XRCC6: variants seen among roughly 807,000 people sequenced by gnomAD.
The protein encoded by XRCC6 is DNA repair protein Ku70.
Under a neutral mutation model 65.7 loss-of-function variants are expected in XRCC6, and 5 were observed. The ratio of observed to expected loss-of-function variants is 0.08; its 90% confidence interval spans 0.04 to 0.16. XRCC6 has a LOEUF of 0.16. Among genes scored for constraint, XRCC6 ranks in the 10% least tolerant of loss-of-function variants. The probability of loss-of-function intolerance (pLI) is 1.00; values close to 1 mark genes in which losing one functional copy is unlikely to be tolerated. For synonymous variants in XRCC6, 270 were observed against 270.6 expected (o/e 1.00, Z 0.02); for missense variants, 447 against 738.1 (o/e 0.61, Z 4.57).
At position 41,637,701 on chromosome 22, in the gene XRCC6, A is replaced by G. The variant is rs764339481; in HGVS notation, c.683A>G (p.Asp228Gly). The change falls in exon 6 of 13, where the codon GAC (aspartate) becomes GGC (glycine). Residue 228 changes from aspartate (D) to glycine (G), a missense_variant. Physicochemically the swap from Asp to Gly is moderately conservative, Grantham distance 94 (BLOSUM62 -1). This residue lies in a region of XRCC6 where 228 missense variants were observed against 307.4 expected (regional missense o/e 0.74). Coordinates refer to ENST00000360079, the MANE Select transcript of XRCC6 (RefSeq NM_001469.5). ...RDIISIAEDEDLRVHFEESSK... is the reference protein window; with the variant it reads ...RDIISIAEDEGLRVHFEESSK... ...ATCATCAGCATAGCAGAGGATGAGG[A>G]CCTCAGGGTTCACTTTGAGGAATCC... The G allele has an allele frequency of 1.9e-6, 3 of 1,613,518 alleles. No homozygotes were observed.
intron 9 of XRCC6, 46 bp from the exon 10 acceptor site, chr22:41,656,857 G>A (rs368216985): frequency 2.5e-6 from 4 of 1,610,148 alleles, no homozygotes; most frequent in South Asian, 2.2e-5. Context: ...ACAAGTGACT[G>A]CAACACTTGA....
At chr22:41,650,224 C>T (rs578218142) in intron 7 of XRCC6, among the ~76,000 whole-genome samples, 6 of 151,770 alleles carry the variant, frequency 4.0e-5, no homozygotes, top group Admixed American at 6.6e-5. Flanking sequence ...CCAGTCTCAG[C>T]CTCCCAAGTA....
intron 11 of XRCC6, among the ~76,000 whole-genome samples, chr22:41,658,681 C>T (rs1310349643): frequency 1.3e-5 from 2 of 152,156 alleles, no homozygotes; most frequent in African/African-American, 2.4e-5. Context: ...TTTGGGAGGC[C>T]GAGGCGGGTG....
intron 6 of XRCC6, among the ~76,000 whole-genome samples, chr22:41,641,378 T>C (rs763954266): frequency 1.3e-5 from 2 of 152,230 alleles, no homozygotes; most frequent in African/African-American, 2.4e-5. Flanking sequence ...ATGAGATATT[T>C]TGGTATAGGC....
intron 2 of XRCC6, among the ~76,000 whole-genome samples, chr22:41,627,518 G>A (rs1374389156): frequency 1.3e-5 from 2 of 151,342 alleles, no homozygotes; most frequent in Non-Finnish European, 2.9e-5. Flanking sequence ...GGCTGAGGCA[G>A]GAGAATCGCT....
At chr22:41,662,907 C>T (rs1214420878) in intron 12 of XRCC6, among the ~76,000 whole-genome samples, 2 of 152,014 alleles carry the variant, frequency 1.3e-5, no homozygotes, top group Non-Finnish European at 2.9e-5. Flanking sequence ...ACAGTGAAAC[C>T]TCGTCTGTAC....
intron 2 of XRCC6, 107 bp from the exon 3 acceptor site, chr22:41,628,011 A>G (rs2147068706): frequency 4.4e-6 from 3 of 678,364 alleles, no homozygotes; most frequent in East Asian, 3.0e-5. Flanking sequence ...TGTTCACCTT[A>G]TAATAATTTA....
intron 3 of XRCC6, among the ~76,000 whole-genome samples, chr22:41,631,475 C>T (rs1463568322): frequency 6.6e-6 from 1 of 150,968 alleles, no homozygotes; most frequent in African/African-American, 2.4e-5. Flanking sequence ...AGAGACGCTC[C>T]TCACCTCCCA....
intron 9 of XRCC6, 27 bp from the exon 10 acceptor site, chr22:41,656,876 C>A (rs1432946844): frequency 6.2e-7 from 1 of 1,611,602 alleles, no homozygotes; most frequent in Non-Finnish European, 8.5e-7. Context: ...GAAGTCAAAT[C>A]AAAGAAAATT....
intron 11 of XRCC6, among the ~76,000 whole-genome samples, chr22:41,659,933 G>T (rs866509479): frequency 6.6e-6 from 1 of 152,114 alleles, no homozygotes; most frequent in Non-Finnish European, 1.5e-5. Flanking sequence ...TGATCCACCC[G>T]CCTCGGCCTC....
At chr22:41,638,976 T>G (rs1419149132) in intron 6 of XRCC6, among the ~76,000 whole-genome samples, 1 of 152,120 alleles carries the variant, frequency 6.6e-6, no homozygotes, top group African/African-American at 2.4e-5. Flanking sequence ...TCACTACAGA[T>G]GCATGAGTGA....
chr22:41,659,006 C>T (rs780722435), intron 11 of XRCC6, among the ~76,000 whole-genome samples: 1 of 152,116 alleles, frequency 6.6e-6, no homozygotes, highest in Non-Finnish European at 1.5e-5. Context: ...TAGAATCCAG[C>T]GACTCGCAGC....
intron 12 of XRCC6, chr22:41,661,783 T>C (rs1191999470): frequency 1.0e-5 from 2 of 193,248 alleles, no homozygotes; most frequent in African/African-American, 2.4e-5. Context: ...CAAAGAGATA[T>C]GTGCACTCCC....
intron 7 of XRCC6, chr22:41,648,021 C>CCTCCA (rs2067952695): frequency 5.2e-5 from 1 of 19,354 alleles, no homozygotes; most frequent in Non-Finnish European, 1.3e-4. Context: ...TCTCCGACTC[C>CCTCCA]CTCCCCTCCC....
chr22:41,629,291 A>T (rs2067714124), intron 3 of XRCC6, among the ~76,000 whole-genome samples: 1 of 152,222 alleles, frequency 6.6e-6, no homozygotes, highest in African/African-American at 2.4e-5. Flanking sequence ...TCACAATGTT[A>T]TGCAGCCACC....
At chr22:41,652,735 AAT>A (rs1450821517) in intron 8 of XRCC6, among the ~76,000 whole-genome samples, 1 of 151,872 alleles carries the variant, frequency 6.6e-6, no homozygotes, top group Non-Finnish European at 1.5e-5. Flanking sequence ...ATGCAGTGGC[AAT>A]GTCTCTGCTC....
intron 2 of XRCC6, among the ~76,000 whole-genome samples, chr22:41,626,931 C>T (rs576690754): frequency 2.0e-5 from 3 of 152,056 alleles, no homozygotes; most frequent in Admixed American, 2.0e-4. Context: ...TGAGCCACTG[C>T]GCCCAGCCTA....
In XRCC6 at chr22:41,658,350, C is replaced by T. The variant is rs754651274; in HGVS notation, c.1520C>T (p.Thr507Ile). The T allele has an allele frequency of 6.2e-6, 10 of 1,613,932 alleles. No homozygotes were observed. Among genetic ancestry groups the T allele is most frequent in the South Asian group, 1.1e-5 (1 of 91,086 alleles). The part of the protein sequence containing the change: ...LMEPEQAVDL[T>I]LPKVEAMNKR... ...GAGCCGGAACAAGCAGTGGACCTGA[C>T]ATGTAAGGAGGTTGAATAGAGTAGT... is the stretch of plus-strand genomic sequence containing the variant. The change falls in exon 11 of 13, where the codon ACA (threonine) becomes ATA (isoleucine). Residue 507 changes from threonine (T) to isoleucine (I), a missense_variant and splice_region_variant. Transcript: ENST00000360079.
At position 41,636,131 on chromosome 22, in the gene XRCC6, A is replaced by T. The variant is rs5758399; in HGVS notation, c.214A>T (p.Ile72Phe). 6.3e-7 allele frequency: 1 copy of T among 1,590,144 alleles called. No homozygotes were observed. Among genetic ancestry groups the T allele is most frequent in the Non-Finnish European group, 8.5e-7 (1 of 1,174,674 alleles). ...TTTTCAGTGTATCCAAAGTGTGTAC[A>T]TCAGTAAGATCATAAGCAGTGATCG... is the stretch of plus-strand genomic sequence containing the variant. ...MSIQCIQSVYISKIISSDRDL... is the reference protein window; with the variant it reads ...MSIQCIQSVYFSKIISSDRDL... Residue 72 changes from isoleucine to phenylalanine, a missense_variant, in exon 4 of 13, where the codon ATC (isoleucine) becomes TTC (phenylalanine). Coordinates refer to ENST00000360079, the MANE Select transcript of XRCC6 (RefSeq NM_001469.5).
Sources: allele counts gnomAD v4.1 joint callset (sites outside exome capture counted in the v4.1 genomes callset), GRCh38; gene constraint gnomAD v4.1.1; regional missense constraint gnomAD v4.1.1; transcripts MANE v1.5; gene names NCBI Gene and HGNC (gene_info 2026-07-23, HGNC 2026-07-21).